The following MSH3 variants were observed in gnomAD, a reference collection of about 807,000 sequenced individuals.
MSH3 encodes the protein mutS homolog 3.
A neutral mutation model predicts 123.3 loss-of-function variants in MSH3; 106 were observed. That is an observed-to-expected ratio of 0.86 (90% CI 0.73 to 1.01). The LOEUF is 1.01. Among genes scored for constraint, MSH3 ranks in the 50% least tolerant of loss-of-function variants. The probability of loss-of-function intolerance (pLI) is 0.00; values close to 1 mark genes in which losing one functional copy is unlikely to be tolerated. For missense variants in MSH3, 1,459 were observed against 1,347.6 expected (o/e 1.08, Z -1.29); for synonymous variants, 515 against 481.4 (o/e 1.07, Z -0.91).
intron 8 of MSH3, among the ~76,000 whole-genome samples, chr5:80,712,522 C>T (rs945646066): frequency 6.6e-6 from 1 of 152,056 alleles, no homozygotes; most frequent in African/African-American, 2.4e-5. Context: ...GTTTTTCAGC[C>T]ATCTTTTTAA....
At chr5:80,716,752 A>G (rs1239273692) in intron 8 of MSH3, among the ~76,000 whole-genome samples, 2 of 152,136 alleles carry the variant, frequency 1.3e-5, no homozygotes, top group Non-Finnish European at 2.9e-5. Context: ...TCTTCTAGCT[A>G]TTTTGAAATA....
At chr5:80,692,671 TATGTTTA>T (rs1750330780) in intron 8 of MSH3, among the ~76,000 whole-genome samples, 1 of 90,758 alleles carries the variant, frequency 1.1e-5, no homozygotes, top group Non-Finnish European at 2.7e-5. Context: ...TACACATGTA[TATGTTTA>T]TGTTTATATA....
chr5:80,816,105 T>TG (rs1267878677), intron 20 of MSH3, among the ~76,000 whole-genome samples: 3 of 152,202 alleles, frequency 2.0e-5, no homozygotes, highest in Admixed American at 1.3e-4. Context: ...TCATCCAACA[T>TG]GTACTAAGTG....
intron 20 of MSH3, among the ~76,000 whole-genome samples, chr5:80,845,857 T>G (rs1745710743): frequency 6.6e-6 from 1 of 152,174 alleles, no homozygotes; most frequent in South Asian, 2.1e-4. Context: ...CATGCTCCTT[T>G]TGCTTGGAGA....
rs397942439 is a variant in MSH3, at chr5:80,658,037, C to CTTTTTTTTTTTTTTTTTT, written c.358+1519_358+1520insTTTTTTTTTTTTTTTTTT. Among the ~76,000 whole-genome samples, 58 of 116,608 alleles carry CTTTTTTTTTTTTTTTTTT rather than the reference C, an allele frequency of 5.0e-4. 7 individuals carry two copies. The Middle Eastern group carries it at 0.013, about 27-fold the overall frequency. The allele number at this position is 116,608 out of a possible 152,430, so 76.5% of individuals were successfully genotyped here. The stretch of plus-strand genomic sequence containing the variant: ...TTTTCCTAAGAATGCTTTTTGCCCT[C>CTTTTTTTTTTTTTTTTTT]TTTTTTTTTTTTTGAGATAGGGTCT... On this transcript the variant is annotated intron_variant, in intron 2 of 23. Transcript: ENST00000265081.
chr5:80,856,945 A>G (rs1371887490), intron 21 of MSH3, among the ~76,000 whole-genome samples: 1 of 152,168 alleles, frequency 6.6e-6, no homozygotes, highest in Non-Finnish European at 1.5e-5. Context: ...GTGTTGAAAA[A>G]GCAGTAAGAA....
At chr5:80,772,263 GT>G (rs1201394703) in intron 15 of MSH3, among the ~76,000 whole-genome samples, 1 of 152,114 alleles carries the variant, frequency 6.6e-6, no homozygotes, top group African/African-American at 2.4e-5. Context: ...CTGTTTACTG[GT>G]TTAAAATGTG....
At chr5:80,784,212 C>CAAAAA (rs1192783960) in intron 17 of MSH3, among the ~76,000 whole-genome samples, 174 of 11,958 alleles carry the variant, frequency 0.015, 5 homozygotes, top group Middle Eastern at 0.17. Context: ...TACTACGTCG[C>CAAAAA]AAAAAAAAAA....
At chr5:80,700,131 G>A (rs1750575037) in intron 8 of MSH3, among the ~76,000 whole-genome samples, 2 of 152,186 alleles carry the variant, frequency 1.3e-5, no homozygotes, top group African/African-American at 4.8e-5. Context: ...TAAAATCCGA[G>A]CACTTTGGGA....
intron 19 of MSH3, among the ~76,000 whole-genome samples, chr5:80,808,882 TACACA>T (rs1744953966): frequency 5.1e-5 from 7 of 136,024 alleles, no homozygotes; most frequent in Admixed American, 7.4e-5. Flanking sequence ...TATATATATA[TACACA>T]ATCTAAATTC....
intron 8 of MSH3, among the ~76,000 whole-genome samples, chr5:80,687,879 A>G (rs569035027): frequency 3.3e-5 from 5 of 152,292 alleles, no homozygotes; most frequent in African/African-American, 9.6e-5. Flanking sequence ...GAAAAAGCGG[A>G]TACAGAGAAA....
intron 20 of MSH3, among the ~76,000 whole-genome samples, chr5:80,851,778 C>T (rs963016731): frequency 6.6e-6 from 1 of 152,114 alleles, no homozygotes; most frequent in Non-Finnish European, 1.5e-5. Flanking sequence ...TATATAGGGA[C>T]ACATCTTTGT....
intron 19 of MSH3, among the ~76,000 whole-genome samples, chr5:80,801,300 C>T (rs1360853336): frequency 6.6e-6 from 1 of 152,158 alleles, no homozygotes; most frequent in African/African-American, 2.4e-5. Context: ...CAGTCACCTG[C>T]CTGGGCAGTG....
In MSH3 at chr5:80,768,954, A is replaced by G. The variant is rs775965601; in HGVS notation, c.2204A>G (p.Lys735Arg). 1 of 1,613,142 alleles carries G rather than the reference A, an allele frequency of 6.2e-7. No homozygotes were observed. The highest frequency in any genetic ancestry group is 8.5e-7 in the Non-Finnish European group (1 of 1,179,346). Residue 735 changes from lysine to arginine, a missense_variant, in exon 15 of 24, where the codon AAA (lysine) becomes AGA (arginine). Coordinates refer to ENST00000265081, the MANE Select transcript of MSH3 (RefSeq NM_002439.5). ...EIRMHLQEIR[K>R]ILKNPSAQYV... ...CGAATGCATTTGCAAGAAATACGAA[A>G]AATACTAAAAAATCCTTCTGCACAA...
chr5:80,706,939 TAC>T (rs1203293108), intron 8 of MSH3, among the ~76,000 whole-genome samples: 1 of 152,222 alleles, frequency 6.6e-6, no homozygotes. Flanking sequence ...TTTTGACAGA[TAC>T]ACACATCAAT....
chr5:80,841,227 C>T (rs1227634011), intron 20 of MSH3, among the ~76,000 whole-genome samples: 1 of 152,104 alleles, frequency 6.6e-6, no homozygotes, highest in Non-Finnish European at 1.5e-5. Context: ...CTACAAAGTA[C>T]ATGAACTCAT....
At chr5:80,733,209 G>A (rs1332551284) in intron 10 of MSH3, among the ~76,000 whole-genome samples, 1 of 152,156 alleles carries the variant, frequency 6.6e-6, no homozygotes, top group African/African-American at 2.4e-5. Context: ...TGACAGGGGT[G>A]TTAAGACAAT....
At chr5:80,819,101 T>C (rs1007507499) in intron 20 of MSH3, among the ~76,000 whole-genome samples, 1 of 152,048 alleles carries the variant, frequency 6.6e-6, no homozygotes, top group East Asian at 1.9e-4. Context: ...TTTTTTTTTT[T>C]AATGCAGTAG....
chr5:80,829,363 C>T (rs551133213), intron 20 of MSH3, among the ~76,000 whole-genome samples: 3 of 152,262 alleles, frequency 2.0e-5, no homozygotes, highest in African/African-American at 7.2e-5. Context: ...ATGATGTTAG[C>T]TATAGGTTTT....
Sources: gnomAD v4.1 joint callset for allele counts (sites outside exome capture counted in the v4.1 genomes callset) on GRCh38, gnomAD v4.1.1 for gene constraint, MANE v1.5 for transcripts, NCBI Gene and HGNC (gene_info 2026-07-23, HGNC 2026-07-21) for gene names.